HOOK3: variants seen among roughly 807,000 people sequenced by gnomAD.
HOOK3 encodes the protein protein Hook homolog 3.
In HOOK3, 24 loss-of-function variants were observed where a neutral mutation model predicts 116.3. The observed-to-expected ratio is 0.21, with a 90% CI of 0.15 to 0.29. The LOEUF (loss-of-function observed/expected upper bound fraction) is 0.29. HOOK3 is among the 10% of genes least tolerant of loss of function. The pLI is 1.00. For synonymous variants in HOOK3, 275 were observed against 283.0 expected, an observed-to-expected ratio of 0.97 and a Z score of 0.28; for missense variants, 632 against 830.2, an observed-to-expected ratio of 0.76 and a Z score of 2.93.
chr8:42,987,952 T>G (rs1809079299), intron 15 of HOOK3, among the ~76,000 whole-genome samples: 1 of 152,190 alleles, frequency 6.6e-6, no homozygotes, highest in Admixed American at 6.5e-5. Context: ...GATTATTTGT[T>G]TATTTTGAGT....
At chr8:42,957,346 G>T (rs1304101875) in intron 7 of HOOK3, among the ~76,000 whole-genome samples, 190 bp downstream of exon 7, 1 of 152,134 alleles carries the variant, frequency 6.6e-6, no homozygotes, top group East Asian at 1.9e-4. Context: ...TTTATAATTT[G>T]TAATAAAATG....
At chr8:42,988,469 A>C (rs1278673194) in intron 15 of HOOK3, among the ~76,000 whole-genome samples, 1 of 152,130 alleles carries the variant, frequency 6.6e-6, no homozygotes, top group Non-Finnish European at 1.5e-5. Flanking sequence ...CAGAGACAGG[A>C]CAGCCAATTG....
chr8:42,977,809 G>C (rs953656768), intron 13 of HOOK3, among the ~76,000 whole-genome samples: 3 of 152,178 alleles, frequency 2.0e-5, no homozygotes, highest in Non-Finnish European at 2.9e-5. Flanking sequence ...GGATGCCACA[G>C]TGAGCTGAAA....
chr8:42,938,531 C>T (rs1036675811), intron 4 of HOOK3, among the ~76,000 whole-genome samples: 2 of 151,968 alleles, frequency 1.3e-5, no homozygotes, highest in Non-Finnish European at 2.9e-5. Context: ...TGGCTGGTAC[C>T]AGTTTTTCCT....
At chr8:43,018,175 A>T (rs1228690659) in intron 21 of HOOK3, among the ~76,000 whole-genome samples, 183 bp from the exon 22 acceptor site, 1 of 152,202 alleles carries the variant, frequency 6.6e-6, no homozygotes, top group Non-Finnish European at 1.5e-5. Flanking sequence ...TCCAAAAGAA[A>T]ATTTGTGCCT....
chr8:42,964,591 C>T (rs1371668478), intron 9 of HOOK3, 117 bp downstream of exon 9: 7 of 809,244 alleles, frequency 8.7e-6, no homozygotes, highest in Non-Finnish European at 3.8e-6. Context: ...CTTTGGGAGG[C>T]TGAGGCGGGC....
intron 2 of HOOK3, among the ~76,000 whole-genome samples, chr8:42,922,147 A>T (rs933366365): frequency 6.6e-6 from 1 of 152,216 alleles, no homozygotes; most frequent in Non-Finnish European, 1.5e-5. Flanking sequence ...TAAAACTTTT[A>T]AAAGAAAATA....
At chr8:42,905,506 C>G (rs1051235026) in intron 1 of HOOK3, among the ~76,000 whole-genome samples, 4 of 151,988 alleles carry the variant, frequency 2.6e-5, no homozygotes, top group African/African-American at 9.7e-5. Context: ...GAAGCATCTC[C>G]TTATCTCTCT....
chr8:42,972,558 C>G (rs369514735), intron 11 of HOOK3, among the ~76,000 whole-genome samples: 2 of 152,134 alleles, frequency 1.3e-5, no homozygotes, highest in East Asian at 3.8e-4. Context: ...ACATGTGCCA[C>G]CACACCCAGC....
At chr8:42,941,236 C>T (rs907325801) in intron 4 of HOOK3, among the ~76,000 whole-genome samples, 1 of 149,282 alleles carries the variant, frequency 6.7e-6, no homozygotes, top group Non-Finnish European at 1.5e-5. Flanking sequence ...CATGAGCCGG[C>T]TGGGCGCAGT....
At chr8:42,921,492 TTATC>T (rs1358484354) in intron 2 of HOOK3, among the ~76,000 whole-genome samples, 2 of 152,212 alleles carry the variant, frequency 1.3e-5, no homozygotes, top group Non-Finnish European at 2.9e-5. Flanking sequence ...TTTCTTTTGA[TTATC>T]TATTTTTCTA....
intron 4 of HOOK3, among the ~76,000 whole-genome samples, chr8:42,938,757 C>A (rs1002785377): frequency 5.9e-5 from 9 of 151,420 alleles, no homozygotes; most frequent in African/African-American, 2.2e-4. Flanking sequence ...TTGGGTGTTT[C>A]TCGCAGAGGG....
intron 15 of HOOK3, among the ~76,000 whole-genome samples, chr8:42,996,282 A>G (rs1168039123): frequency 6.7e-6 from 1 of 150,040 alleles, no homozygotes; most frequent in African/African-American, 2.4e-5. Flanking sequence ...ACTACTCAGG[A>G]GGCTGAGGCA....
intron 17 of HOOK3, among the ~76,000 whole-genome samples, chr8:43,005,762 T>A (rs1184652656): frequency 1.3e-5 from 2 of 152,018 alleles, no homozygotes; most frequent in African/African-American, 4.8e-5. Flanking sequence ...AGTGGCATGA[T>A]CTCGGCTCAC....
chr8:42,910,214 A>C (rs568249628), intron 2 of HOOK3, among the ~76,000 whole-genome samples: 22 of 152,078 alleles, frequency 1.4e-4, no homozygotes, highest in Non-Finnish European at 2.9e-4. Flanking sequence ...AATTTTGAAA[A>C]TTTTTTTTCA....
At position 43,023,431 on chromosome 8, in the gene HOOK3, CTT is replaced by C. The variant is rs1809869949; in HGVS notation, c.*4938_*4939del. Reference sequence around the variant, plus strand: ...CTTCCTTCCTTCCTTCCCTTCTTTTCTTTTTTCTTTTCTTTTCTTTTCTCCCT... The same window carrying C: ...CTTCCTTCCTTCCTTCCCTTCTTTTCTTTTCTTTTCTTTTCTTTTCTCCCT... On this transcript the variant is annotated 3_prime_UTR_variant, in exon 22 of 22. Transcript: ENST00000307602. 1 of 155,580 alleles carries C rather than the reference CTT, an allele frequency of 6.4e-6. No individual in the cohort carries two copies. Among genetic ancestry groups the C allele is most frequent in the South Asian group, 2.2e-4 (1 of 4,528 alleles). The allele number at this position is 155,580 out of a possible 1,614,324, so 9.6% of individuals were successfully genotyped here. A position where few individuals can be genotyped will look rare whatever the true frequency, so the allele number is the denominator to read the frequency against.
intron 6 of HOOK3, among the ~76,000 whole-genome samples, chr8:42,952,121 C>T (rs1808355792): frequency 6.6e-6 from 1 of 152,170 alleles, no homozygotes; most frequent in African/African-American, 2.4e-5. Context: ...GACACCAGCT[C>T]CAGGCTCAGG....
intron 2 of HOOK3, among the ~76,000 whole-genome samples, chr8:42,917,284 G>C (rs1807551120): frequency 6.6e-6 from 1 of 152,210 alleles, no homozygotes; most frequent in Admixed American, 6.5e-5. Flanking sequence ...CAGCCTGGGA[G>C]CTCGCTAAAC....
At chr8:42,933,975 G>A (rs941386687) in intron 4 of HOOK3, among the ~76,000 whole-genome samples, 2 of 151,854 alleles carry the variant, frequency 1.3e-5, no homozygotes, top group Admixed American at 6.6e-5. Flanking sequence ...GTTTTATTGC[G>A]CTTGGCACTT....
Sources: allele counts gnomAD v4.1 joint callset (sites outside exome capture counted in the v4.1 genomes callset), GRCh38; gene constraint gnomAD v4.1.1; transcripts MANE v1.5; gene names NCBI Gene and HGNC (gene_info 2026-07-23, HGNC 2026-07-21).